The following PPP2R2C variants were observed in gnomAD, a reference collection of about 807,000 sequenced individuals.
The protein encoded by PPP2R2C is protein phosphatase 2, regulatory subunit B, gamma.
PPP2R2C carries 10 observed loss-of-function variants against 45.3 expected under a neutral mutation model. The observed-to-expected ratio is 0.22, with a 90% CI of 0.14 to 0.37. The LOEUF (loss-of-function observed/expected upper bound fraction) is 0.37, where lower values mean the gene tolerates loss of function less well. PPP2R2C is among the 10% of genes least tolerant of loss of function. PPP2R2C has a pLI of 1.00. For synonymous variants in PPP2R2C, 257 were observed against 245.4 expected (o/e 1.05, Z -0.44); for missense variants, 308 against 619.7 (o/e 0.50, Z 5.34).
At chr4:6,432,865 C>T (rs1719700190) in intron 1 of PPP2R2C, among the ~76,000 whole-genome samples, 1 of 152,170 alleles carries the variant, frequency 6.6e-6, no homozygotes, top group South Asian at 2.1e-4. Context: ...TTTCTTTCGC[C>T]TCTGCTACCC....
At chr4:6,431,580 G>A (rs887642414) in intron 1 of PPP2R2C, among the ~76,000 whole-genome samples, 4 of 152,114 alleles carry the variant, frequency 2.6e-5, no homozygotes, top group East Asian at 1.9e-4. Flanking sequence ...ACATGGTTTC[G>A]GTCCAGAGCC....
At chr4:6,377,885 G>A (rs1198445991) in intron 3 of PPP2R2C, among the ~76,000 whole-genome samples, 1 of 152,184 alleles carries the variant, frequency 6.6e-6, no homozygotes, top group African/African-American at 2.4e-5. Context: ...TCCTCCCTGA[G>A]GCAAGAGGAT....
intron 1 of PPP2R2C, among the ~76,000 whole-genome samples, chr4:6,553,188 G>A (rs1335575322): frequency 1.3e-5 from 2 of 152,132 alleles, no homozygotes; most frequent in Non-Finnish European, 2.9e-5. Context: ...GGATTGCAGC[G>A]CCACCGCAGG....
In PPP2R2C at chr4:6,348,553, T is replaced by C. The variant is rs142974923; in HGVS notation, c.626-543A>G. The C allele has an allele frequency of 2.2e-3, 1,724 of 792,046 alleles. 5 individuals carry two copies. The highest frequency in any genetic ancestry group is 2.5e-3 in the Non-Finnish European group (1,648 of 653,656). 49.1% of individuals were successfully genotyped at this position (792,046 alleles called of 1,614,324 possible). On this transcript the variant is annotated intron_variant, in intron 5 of 8. Coordinates refer to ENST00000382599, the MANE Select transcript of PPP2R2C (RefSeq NM_020416.4). ...TGCTCCCCTTCTTCTGACCACAGTA[T>C]GGAGATTCTCCTTTGGGCAAAGGTT...
chr4:6,419,301 C>G (rs1047064319), intron 1 of PPP2R2C, among the ~76,000 whole-genome samples: 2 of 152,074 alleles, frequency 1.3e-5, no homozygotes, highest in African/African-American at 4.8e-5. Flanking sequence ...TGGCATGTGC[C>G]TGTAATCCCA....
intron 1 of PPP2R2C, chr4:6,383,972 G>A: frequency 1.0e-6 from 1 of 986,226 alleles, no homozygotes; most frequent in Non-Finnish European, 1.2e-6. Context: ...TGGGATGACG[G>A]GCTGGACGTA....
At chr4:6,544,933 T>C (rs62286158) in intron 1 of PPP2R2C, among the ~76,000 whole-genome samples, 25,415 of 152,238 alleles carry the variant, frequency 0.17, 2,437 homozygotes, top group Non-Finnish European at 0.23. Context: ...TCAGTGAATT[T>C]AGGCAGAAGG....
intron 1 of PPP2R2C, among the ~76,000 whole-genome samples, chr4:6,451,942 C>G (rs1185330629): frequency 1.3e-5 from 2 of 152,168 alleles, no homozygotes; most frequent in African/African-American, 4.8e-5. Flanking sequence ...AGTGACACCA[C>G]CCCAGAGCCA....
At position 6,471,194 on chromosome 4, in the gene PPP2R2C, C is replaced by T. The variant is rs1160954977; in HGVS notation, c.70+966G>A. Among the ~76,000 whole-genome samples the T allele has an allele frequency of 1.3e-5, 2 of 152,148 alleles. No homozygotes were observed. The highest frequency in any genetic ancestry group is 6.5e-5 in the Admixed American group (1 of 15,288). ...CCCGGGGAATCCGCGCACACTTCTG[C>T]GGCCGGGCCGCCAGCCCGTGGGTTA... is the stretch of plus-strand genomic sequence containing the variant. On this transcript the variant is annotated intron_variant, in intron 1 of 8. Transcript: ENST00000382599. This position sits in a 1 kb window ranked among gnomAD's most constrained non-coding sequence, Gnocchi z 5.6.
intron 1 of PPP2R2C, among the ~76,000 whole-genome samples, chr4:6,395,491 G>A (rs78460622): frequency 0.034 from 5,141 of 152,286 alleles, 129 homozygotes; most frequent in Middle Eastern, 0.054. Flanking sequence ...CCCTCCTTGT[G>A]GAGAGGCTCC....
intron 1 of PPP2R2C, among the ~76,000 whole-genome samples, chr4:6,437,226 T>C (rs1013819199): frequency 6.6e-6 from 1 of 152,198 alleles, no homozygotes; most frequent in African/African-American, 2.4e-5. Flanking sequence ...ATCCAAGTTT[T>C]AAAAACCACC....
intron 1 of PPP2R2C, among the ~76,000 whole-genome samples, chr4:6,538,940 T>C (rs916205414): frequency 2.0e-5 from 3 of 152,162 alleles, no homozygotes; most frequent in African/African-American, 7.2e-5. Context: ...AGTGAGTGAT[T>C]TATTATACAG....
chr4:6,531,261 G>A (rs1724387789), intron 2 of PPP2R2C, among the ~76,000 whole-genome samples: 1 of 152,212 alleles, frequency 6.6e-6, no homozygotes, highest in African/African-American at 2.4e-5. Context: ...TGAGGGTGCA[G>A]ATGGCAGTGA....
rs145889369 is a variant in PPP2R2C, at chr4:6,521,272, T to C, written c.49+13999A>G. Among the ~76,000 whole-genome samples the C allele has an allele frequency of 1.3e-3, 196 of 152,348 alleles. 6 individuals carry two copies. The East Asian group carries it at 0.035, about 27-fold the overall frequency. On this transcript the variant is annotated intron_variant, in intron 2 of 9. Coordinates refer to the PPP2R2C transcript ENST00000506140. ...GGTGAGGGCTTTTGGGGCTTTATCC[T>C]GCCACTTGTATGTTGTGTTCAGCTG... is the stretch of plus-strand genomic sequence containing the variant.
At chr4:6,538,893 C>G (rs1474620462) in intron 1 of PPP2R2C, among the ~76,000 whole-genome samples, 1 of 152,186 alleles carries the variant, frequency 6.6e-6, no homozygotes, top group Non-Finnish European at 1.5e-5. Flanking sequence ...GGTACCTGCT[C>G]AGAGCAGGTG....
At chr4:6,413,553 T>A (rs957565211) in intron 1 of PPP2R2C, among the ~76,000 whole-genome samples, 1 of 152,146 alleles carries the variant, frequency 6.6e-6, no homozygotes, top group Non-Finnish European at 1.5e-5. Flanking sequence ...TGGGTGTGCA[T>A]CCCAGAGGCT....
chr4:6,459,382 T>C (rs1560564285), intron 1 of PPP2R2C, among the ~76,000 whole-genome samples: 1 of 152,198 alleles, frequency 6.6e-6, no homozygotes, highest in African/African-American at 2.4e-5. Flanking sequence ...CCTCCAAAGC[T>C]ACACGGTGTC....
rs551099108 is a variant in PPP2R2C at position 6,552,291 on chromosome 4, C to A, written c.-59+11269G>T. On this transcript the variant is annotated intron_variant, in intron 1 of 9. Coordinates refer to the PPP2R2C transcript ENST00000506140. ...AACAGAAGCTTATTCTCTAACTGTT[C>A]TGGAGGTCAGAAGTCTGAAATCAGC... is the stretch of plus-strand genomic sequence containing the variant. Among the ~76,000 whole-genome samples, 74 of 152,278 alleles carry A rather than the reference C, an allele frequency of 4.9e-4. 1 individual carries two copies. The highest frequency in any genetic ancestry group is 3.7e-3 in the South Asian group (18 of 4,820).
chr4:6,526,526 A>C (rs1724214603), intron 2 of PPP2R2C, among the ~76,000 whole-genome samples: 1 of 152,252 alleles, frequency 6.6e-6, no homozygotes, highest in Non-Finnish European at 1.5e-5. Flanking sequence ...TGTGCACTCT[A>C]AAATGGTTAA....
Sources: gnomAD v4.1 joint callset for allele counts (sites outside exome capture counted in the v4.1 genomes callset) on GRCh38, gnomAD v4.1.1 for gene constraint, Gnocchi (gnomAD v3.1) non-coding constraint, MANE v1.5 for transcripts, NCBI Gene and HGNC (gene_info 2026-07-23, HGNC 2026-07-21) for gene names.